Variants in ZNF236 observed in about 807,000 individuals in gnomAD.
ZNF236 encodes regulated by glucose.
In ZNF236, 50 loss-of-function variants were observed where a neutral mutation model predicts 191.2. The observed-to-expected ratio is 0.26, with a 90% CI of 0.21 to 0.33. The LOEUF is 0.33. Among genes scored for constraint, ZNF236 ranks in the 10% least tolerant of loss-of-function variants. The pLI is 1.00. For missense variants in ZNF236, 1,754 were observed against 2,374.5 expected, an observed-to-expected ratio of 0.74 and a Z score of 5.43; for synonymous variants, 907 against 928.8, an observed-to-expected ratio of 0.98 and a Z score of 0.43.
intron 27 of ZNF236, among the ~76,000 whole-genome samples, chr18:76,953,317 C>T (rs1159683566): frequency 6.6e-6 from 1 of 152,210 alleles, no homozygotes; most frequent in African/African-American, 2.4e-5. Flanking sequence ...GCTTAAGGGG[C>T]CATGGCCTTC....
intron 1 of ZNF236, among the ~76,000 whole-genome samples, chr18:76,823,781 G>C (rs1300368836): frequency 6.6e-6 from 1 of 152,170 alleles, no homozygotes; most frequent in Non-Finnish European, 1.5e-5. Context: ...CAGGGGGATC[G>C]GGGCGCACTC....
At chr18:76,884,659 T>C (rs1467551456) in intron 9 of ZNF236, among the ~76,000 whole-genome samples, 1 of 152,326 alleles carries the variant, frequency 6.6e-6, no homozygotes, top group East Asian at 1.9e-4. Flanking sequence ...TACTGGGCTG[T>C]AATTGGCTGG....
chr18:76,895,047 T>C lies in ZNF236; in HGVS notation c.1452T>C (p.His484=). 6.2e-7 allele frequency: 1 copy of C among 1,611,292 alleles called. No homozygotes were observed. The highest frequency in any genetic ancestry group is 8.5e-7 in the Non-Finnish European group (1 of 1,179,996). Reference sequence around the variant, plus strand: ...GCGAGGAGAACGGCGTGCGCTGGCATGTGTGTCCCTACTGCGCCAAGGAGT... The same window carrying C: ...GCGAGGAGAACGGCGTGCGCTGGCACGTGTGTCCCTACTGCGCCAAGGAGT... ...SIREENGVRW[H]VCPYCAKEFR... is the part of the protein sequence containing the mutation. Residue 484 remains histidine (H), a synonymous_variant, in exon 10 of 31, where the codon CAT becomes CAC. Transcript: ENST00000320610.
rs1265665026 is a variant in ZNF236, at chr18:76,943,292, A to G, written c.4783-4229A>G. Among the ~76,000 whole-genome samples the G allele has an allele frequency of 3.3e-5, 5 of 152,254 alleles. No individual in the cohort carries two copies. In the South Asian group the frequency reaches 6.2e-4, roughly 19 times the overall value. On this transcript the variant is annotated intron_variant, in intron 26 of 30. Coordinates refer to ENST00000320610, the MANE Select transcript of ZNF236 (RefSeq NM_001306089.2). ...AATTTTAATTCAGAGAAAATTGGCT[A>G]ATTTTGAAATGTAATTCTGATTTAT...
rs183293159 is a variant in ZNF236 at position 76,847,053 on chromosome 18, A to G, written c.56-2473A>G. Reference sequence around the variant, plus strand: ...GGTGATCCACCCACCCTGGGCTCCCAGAGTGTTGGAATTACAGGCATGAGC... The same window carrying G: ...GGTGATCCACCCACCCTGGGCTCCCGGAGTGTTGGAATTACAGGCATGAGC... On this transcript the variant is annotated intron_variant, in intron 1 of 30. Transcript: ENST00000320610. Among the ~76,000 whole-genome samples the G allele has an allele frequency of 5.8e-4, 88 of 152,232 alleles. No individual in the cohort carries two copies. In the East Asian group the frequency reaches 0.016, roughly 27 times the overall value.
chr18:76,879,658 T>C (rs1976821190), intron 7 of ZNF236, among the ~76,000 whole-genome samples: 1 of 152,214 alleles, frequency 6.6e-6, no homozygotes, highest in African/African-American at 2.4e-5. Flanking sequence ...TCCTCTGACT[T>C]AGGTTTTCTT....
chr18:76,942,486 A>G (rs1968154202), intron 26 of ZNF236, among the ~76,000 whole-genome samples: 1 of 151,916 alleles, frequency 6.6e-6, no homozygotes, highest in Non-Finnish European at 1.5e-5. Context: ...ATAGTATTCT[A>G]TTTTATAATT....
chr18:76,955,335 T>C (rs1375579109), intron 27 of ZNF236, among the ~76,000 whole-genome samples: 2 of 152,122 alleles, frequency 1.3e-5, no homozygotes, highest in African/African-American at 4.8e-5. Flanking sequence ...GAGGATTGCT[T>C]GAGCCCAGGA....
intron 1 of ZNF236, chr18:76,834,294 T>A: frequency 5.9e-6 from 1 of 168,848 alleles, no homozygotes; most frequent in South Asian, 1.7e-4. Context: ...AGTTTGGACT[T>A]TCAATTCAAT....
Position 76,956,118 on chromosome 18 carries a change from G to A in ZNF236, c.5048G>A (p.Gly1683Asp), listed in dbSNP as rs1208173024. ...VLMHHSKEVH[G>D]RERIHGCPVC... ...ATGCACCACAGCAAGGAGGTGCATG[G>A]CCGGGAGCGCATCCACGGCTGCCCC... Residue 1683 changes from glycine (G) to aspartate (D), a missense_variant, in exon 28 of 31, where the codon GGC (glycine) becomes GAC (aspartate). Physicochemically the swap from Gly to Asp is moderately conservative, Grantham distance 94 (BLOSUM62 -1). Coordinates refer to ENST00000320610, the MANE Select transcript of ZNF236 (RefSeq NM_001306089.2). 1.9e-6 allele frequency: 3 copies of A among 1,577,160 alleles called. No individual in the cohort carries two copies. The highest frequency in any genetic ancestry group is 3.7e-5 in the Admixed American group (2 of 54,656).
rs1301399575 is a variant in ZNF236, at chr18:76,849,587, T to C, written c.117T>C (p.His39=). 5.0e-6 allele frequency: 8 copies of C among 1,612,152 alleles called. No individual in the cohort carries two copies. The East Asian group carries it at 1.3e-4, about 27-fold the overall frequency. ...ATGCCTATCAAGTTCCAAACTTCCA[T>C]AAATGTGAAATCTGTCTACTATCTT... is the stretch of plus-strand genomic sequence containing the variant. ...TNYAYQVPNF[H]KCEICLLSFP... Residue 39 remains histidine (H), a synonymous_variant, in exon 2 of 31, where the codon CAT becomes CAC. Transcript: ENST00000320610.
intron 9 of ZNF236, among the ~76,000 whole-genome samples, chr18:76,884,400 CA>C (rs58881647): frequency 0.099 from 9,189 of 92,748 alleles, 807 homozygotes; most frequent in African/African-American, 0.28. Context: ...GACTCCATCT[CA>C]AAAAAAAAAA....
intron 1 of ZNF236, among the ~76,000 whole-genome samples, chr18:76,827,068 G>A (rs145212975): frequency 8.4e-4 from 127 of 151,260 alleles, no homozygotes; most frequent in African/African-American, 2.9e-3. Flanking sequence ...AGCTAATTTT[G>A]TATTTTTAGT....
intron 10 of ZNF236, among the ~76,000 whole-genome samples, chr18:76,896,660 C>T (rs1421021253): frequency 6.8e-6 from 1 of 147,264 alleles, no homozygotes; most frequent in African/African-American, 2.5e-5. Context: ...GCACACAGTA[C>T]ACAAACAGAG....
intron 3 of ZNF236, among the ~76,000 whole-genome samples, chr18:76,868,390 C>G (rs548855872): frequency 2.6e-5 from 4 of 152,212 alleles, no homozygotes; most frequent in Non-Finnish European, 4.4e-5. Context: ...AGTGCCATTA[C>G]CCAACACCAC....
intron 1 of ZNF236, chr18:76,824,357 C>T (rs781055379): frequency 2.0e-5 from 16 of 781,008 alleles, no homozygotes; most frequent in Non-Finnish European, 3.8e-5. Flanking sequence ...TCGCACACCT[C>T]ATGGGCCTTT....
intron 27 of ZNF236, among the ~76,000 whole-genome samples, chr18:76,949,317 A>G (rs575323249): frequency 3.9e-5 from 6 of 152,326 alleles, no homozygotes; most frequent in South Asian, 2.1e-4. Flanking sequence ...GAGTAATCCT[A>G]TGTTAAGATT....
Position 76,971,156 on chromosome 18 carries a change from A to G in ZNF236, c.*2817A>G, listed in dbSNP as rs764994276. On this transcript the variant is annotated 3_prime_UTR_variant, in exon 31 of 31. Coordinates refer to ENST00000320610, the MANE Select transcript of ZNF236 (RefSeq NM_001306089.2). ...GGTGGGGTGCAGGTACTGAGGAAGC[A>G]GGAGGCATGTAGCATGTGTGGAGTC... 4.6e-5 allele frequency among the ~76,000 whole-genome samples: 7 copies of G among 152,272 alleles called. No homozygotes were observed. Among genetic ancestry groups the G allele is most frequent in the Non-Finnish European group, 2.9e-5 (2 of 68,042 alleles).
At chr18:76,947,418 T>C in intron 26 of ZNF236, 103 bp from the exon 27 acceptor site, 1 of 1,399,708 alleles carries the variant, frequency 7.1e-7, no homozygotes, top group East Asian at 2.4e-5. Flanking sequence ...TTTGAGGAGC[T>C]ACCAGCTTGT....
Sources: allele counts gnomAD v4.1 joint callset (sites outside exome capture counted in the v4.1 genomes callset), GRCh38; gene constraint gnomAD v4.1.1; transcripts MANE v1.5; gene names NCBI Gene and HGNC (gene_info 2026-07-23, HGNC 2026-07-21).